The following GRM8 variants were observed in gnomAD, a reference collection of about 807,000 sequenced individuals.
GRM8 encodes the protein glutamate metabotropic receptor 8.
Under a neutral mutation model 87.2 loss-of-function variants are expected in GRM8, and 47 were observed. The observed-to-expected ratio is 0.54, with a 90% CI of 0.43 to 0.69. The LOEUF is 0.69. Among genes scored for constraint, GRM8 ranks in the 30% least tolerant of loss-of-function variants. The pLI, the probability that GRM8 is intolerant of heterozygous loss-of-function variation, is 0.00. For synonymous variants in GRM8, 396 were observed against 404.5 expected, an observed-to-expected ratio of 0.98 and a Z score of 0.25; for missense variants, 1,019 against 1,139.2, an observed-to-expected ratio of 0.89 and a Z score of 1.52.
intron 2 of GRM8, among the ~76,000 whole-genome samples, chr7:127,183,723 C>A (rs1360791821): frequency 6.6e-6 from 1 of 151,542 alleles, no homozygotes; most frequent in Admixed American, 6.6e-5. Flanking sequence ...AAACAATAGA[C>A]AAAAATCAAT....
At chr7:126,878,649 A>T (rs1337286659) in intron 6 of GRM8, among the ~76,000 whole-genome samples, 1 of 151,194 alleles carries the variant, frequency 6.6e-6, no homozygotes, top group Admixed American at 6.6e-5. Flanking sequence ...CCTCCCAAAT[A>T]GCTGGGATTA....
intron 6 of GRM8, among the ~76,000 whole-genome samples, chr7:126,840,663 T>C (rs1796191223): frequency 2.0e-5 from 3 of 152,216 alleles, no homozygotes; most frequent in Non-Finnish European, 4.4e-5. Flanking sequence ...CACCATAGCA[T>C]GACTTGCTAA....
At chr7:126,511,363 A>C (rs541680235) in intron 9 of GRM8, 1 of 152,162 alleles carries the variant, frequency 6.6e-6, no homozygotes, top group African/African-American at 2.4e-5. Context: ...AATTTGAATT[A>C]TATCATCTCA....
intron 7 of GRM8, among the ~76,000 whole-genome samples, chr7:126,617,608 G>C (rs1421180208): frequency 1.3e-5 from 2 of 152,274 alleles, no homozygotes; most frequent in East Asian, 3.9e-4. Flanking sequence ...CAGATGACAT[G>C]ATTGTATATT....
chr7:127,227,961 C>G (rs553267363), intron 2 of GRM8, among the ~76,000 whole-genome samples: 43 of 152,308 alleles, frequency 2.8e-4, no homozygotes, highest in African/African-American at 9.6e-4. Flanking sequence ...GCTTACAGAG[C>G]TGAAGTCTTC....
chr7:126,595,968 C>G (rs1167516362), intron 8 of GRM8, among the ~76,000 whole-genome samples: 1 of 152,108 alleles, frequency 6.6e-6, no homozygotes, highest in Admixed American at 6.6e-5. Context: ...GAAACCATGT[C>G]TTTACTAAAG....
intron 3 of GRM8, among the ~76,000 whole-genome samples, chr7:126,943,376 G>T (rs1807181620): frequency 6.6e-6 from 1 of 152,152 alleles, no homozygotes; most frequent in Non-Finnish European, 1.5e-5. Context: ...CTGATCTTGT[G>T]GGCACAGGCA....
chr7:126,754,780 C>A (rs1273162351), intron 7 of GRM8, among the ~76,000 whole-genome samples: 1 of 151,858 alleles, frequency 6.6e-6, no homozygotes, highest in African/African-American at 2.4e-5. Context: ...GGACTTAAAG[C>A]TATTCAGCTG....
intron 6 of GRM8, among the ~76,000 whole-genome samples, chr7:126,795,927 T>C (rs1162806111): frequency 2.0e-5 from 3 of 151,284 alleles, no homozygotes; most frequent in Admixed American, 2.0e-4. Context: ...AACATCAACA[T>C]AGTCTACACA....
intron 9 of GRM8, among the ~76,000 whole-genome samples, chr7:126,521,588 T>C (rs1345060953): frequency 6.6e-6 from 1 of 152,018 alleles, no homozygotes; most frequent in Non-Finnish European, 1.5e-5. Context: ...AACAGAATAA[T>C]TGAAAATTGA....
At chr7:126,529,595 C>A (rs969254933) in intron 9 of GRM8, among the ~76,000 whole-genome samples, 1 of 152,026 alleles carries the variant, frequency 6.6e-6, no homozygotes, top group Non-Finnish European at 1.5e-5. Context: ...GTTTTATTTT[C>A]TTTTCCACTT....
chr7:126,548,577 T>C (rs1227384876), intron 8 of GRM8, among the ~76,000 whole-genome samples: 1 of 152,114 alleles, frequency 6.6e-6, no homozygotes. Flanking sequence ...CCCATGATAA[T>C]GTAAGGTATG....
At chr7:127,118,998 G>A (rs1826871978) in intron 2 of GRM8, among the ~76,000 whole-genome samples, 1 of 152,188 alleles carries the variant, frequency 6.6e-6, no homozygotes, top group Non-Finnish European at 1.5e-5. Context: ...AATCCCAATT[G>A]CTACTGTTCC....
intron 3 of GRM8, among the ~76,000 whole-genome samples, chr7:126,971,179 AAAAAAC>A (rs1388414259): frequency 7.5e-6 from 1 of 132,858 alleles, no homozygotes; most frequent in African/African-American, 2.7e-5. Context: ...AAAAAAAAAA[AAAAAAC>A]ACTATCTGTA....
chr7:126,749,284 T>C (rs1273540611), intron 7 of GRM8, among the ~76,000 whole-genome samples: 1 of 151,248 alleles, frequency 6.6e-6, no homozygotes, highest in Non-Finnish European at 1.5e-5. Context: ...CTCAAAAAAA[T>C]AAAAATAATG....
intron 6 of GRM8, among the ~76,000 whole-genome samples, chr7:126,887,597 C>G (rs1359700317): frequency 1.3e-5 from 2 of 152,092 alleles, no homozygotes; most frequent in Non-Finnish European, 2.9e-5. Flanking sequence ...TTACCCAAGT[C>G]TCTTGTTCAC....
At position 126,898,084 on chromosome 7, in the gene GRM8, C is replaced by G. The variant is rs141889226; in HGVS notation, c.1156+4458G>C. Among the ~76,000 whole-genome samples, 423 of 152,262 alleles carry G rather than the reference C, an allele frequency of 2.8e-3. 1 individual carries two copies. The highest frequency in any genetic ancestry group is 7.5e-3 in the African/African-American group (311 of 41,556). ...GCCTAATGTAAAATGTTACTCAACA[C>G]ATATAACTTAACCTACCAATGATGT... On this transcript the variant is annotated intron_variant, in intron 6 of 10. Coordinates refer to ENST00000339582, the MANE Select transcript of GRM8 (RefSeq NM_000845.3).
At chr7:126,479,017 G>T (rs913386369) in intron 9 of GRM8, among the ~76,000 whole-genome samples, 1 of 152,000 alleles carries the variant, frequency 6.6e-6, no homozygotes, top group Non-Finnish European at 1.5e-5. Context: ...CTCAGAAGAT[G>T]ATCTTTAGTC....
At chr7:126,545,615 T>A (rs1037302384) in intron 8 of GRM8, among the ~76,000 whole-genome samples, 1 of 152,216 alleles carries the variant, frequency 6.6e-6, no homozygotes, top group Non-Finnish European at 1.5e-5. Context: ...TATTCATGTT[T>A]TTAAACTTAA....
Sources: allele counts gnomAD v4.1 joint callset (sites outside exome capture counted in the v4.1 genomes callset), GRCh38; gene constraint gnomAD v4.1.1; transcripts MANE v1.5; gene names NCBI Gene and HGNC (gene_info 2026-07-23, HGNC 2026-07-21).